Variants in EPG5 observed in about 807,000 individuals in gnomAD.
EPG5 encodes the protein ectopic P granules protein 5 homolog.
In EPG5, 159 loss-of-function variants were observed where a neutral mutation model predicts 302.7. That is an observed-to-expected ratio of 0.53 (90% confidence interval 0.46 to 0.60). The LOEUF (loss-of-function observed/expected upper bound fraction) is 0.60, where lower values mean the gene tolerates loss of function less well. Ranked by LOEUF, EPG5 falls within the 20% of genes least tolerant of loss-of-function variation. The pLI, the probability that EPG5 is intolerant of heterozygous loss-of-function variation, is 0.00. For missense variants in EPG5, 2,896 were observed against 3,092.4 expected (o/e 0.94, Z 1.51); for synonymous variants, 1,158 against 1,136.8 (o/e 1.02, Z -0.37).
intron 31 of EPG5, 110 bp from the exon 32 acceptor site, chr18:45,880,333 C>T (rs942464055): frequency 9.2e-7 from 1 of 1,082,148 alleles, no homozygotes; most frequent in Non-Finnish European, 1.2e-6. Flanking sequence ...AAGCCAAAAT[C>T]CAAAACAAAC....
At chr18:45,882,566 TAGTTTAAAAGCCAAAAATTACCC>T in intron 30 of EPG5, 79 bp from the exon 31 acceptor site, 2 of 1,238,126 alleles carry the variant, frequency 1.6e-6, no homozygotes, top group Middle Eastern at 2.4e-4. Context: ...TGTGTAAATT[TAGTTTAAAAGCCAAAAATTACCC>T]AGCATTTTAT....
At chr18:45,912,202 C>T (rs1048918531) in intron 22 of EPG5, 88 bp downstream of exon 22, 7 of 1,224,206 alleles carry the variant, frequency 5.7e-6, no homozygotes, top group Non-Finnish European at 7.8e-6. Flanking sequence ...GATTCCAACT[C>T]ACACTCCACA....
At chr18:45,900,710 A>ATC (rs2049594421) in intron 26 of EPG5, among the ~76,000 whole-genome samples, 1 of 152,186 alleles carries the variant, frequency 6.6e-6, no homozygotes, top group African/African-American at 2.4e-5. Flanking sequence ...ATATCAGAAG[A>ATC]TCTCTTCATG....
the EPG5 span, among the ~76,000 whole-genome samples, chr18:45,836,397 T>C: frequency 1.3e-5 from 2 of 151,122 alleles, no homozygotes; most frequent in Non-Finnish European, 2.9e-5. Context: ...TTTTGTGAAC[T>C]GCACCCTGGG....
At chr18:45,819,809 TG>T in the EPG5 span, among the ~76,000 whole-genome samples, 113 of 152,324 alleles carry the variant, frequency 7.4e-4, 1 homozygote, top group Non-Finnish European at 1.4e-3. Flanking sequence ...GAATCTGAAT[TG>T]ATGTGTATTC....
chr18:45,913,184 T>G (rs763675301), intron 21 of EPG5, among the ~76,000 whole-genome samples: 3 of 152,032 alleles, frequency 2.0e-5, no homozygotes, highest in East Asian at 1.9e-4. Context: ...CAAAAGGACA[T>G]TCGAGAATGC....
chr18:45,946,037 G>A (rs546988296), intron 7 of EPG5, among the ~76,000 whole-genome samples: 2 of 152,232 alleles, frequency 1.3e-5, no homozygotes, highest in South Asian at 4.1e-4. Flanking sequence ...CAAAATAAAG[G>A]ACTAGAACTG....
intron 1 of EPG5, among the ~76,000 whole-genome samples, chr18:45,959,560 CA>C (rs776266032): frequency 1.2e-4 from 18 of 148,310 alleles, no homozygotes; most frequent in Non-Finnish European, 2.2e-4. Flanking sequence ...ACAGGAGAAT[CA>C]CTTGAACCTG....
chr18:45,928,713 T>G (rs1403704207), intron 13 of EPG5, among the ~76,000 whole-genome samples, 156 bp downstream of exon 13: 1 of 152,202 alleles, frequency 6.6e-6, no homozygotes, highest in Non-Finnish European at 1.5e-5. Context: ...GTTGGTGTGG[T>G]GAGTGACACA....
chr18:45,902,400 T>C (rs1410467355), intron 25 of EPG5, among the ~76,000 whole-genome samples: 1 of 152,158 alleles, frequency 6.6e-6, no homozygotes, highest in African/African-American at 2.4e-5. Flanking sequence ...TCAAGCAACA[T>C]AAGAGGCCAT....
chr18:45,894,570 GCTGCAATGAGGGAAAGAACAT>G (rs2049427219), intron 27 of EPG5, among the ~76,000 whole-genome samples: 1 of 152,160 alleles, frequency 6.6e-6, no homozygotes, highest in Non-Finnish European at 1.5e-5. Flanking sequence ...TTAGGCACAA[GCTGCAATGAGGGAAAGAACAT>G]CTCAATTCGA....
chr18:45,805,220 A>C, the EPG5 span, among the ~76,000 whole-genome samples: 1 of 152,116 alleles, frequency 6.6e-6, no homozygotes, highest in Non-Finnish European at 1.5e-5. Flanking sequence ...GTTATTTGTG[A>C]AGAAACAAAG....
At chr18:45,965,946 G>C (rs566296771) in intron 1 of EPG5, among the ~76,000 whole-genome samples, 2 of 152,010 alleles carry the variant, frequency 1.3e-5, no homozygotes, top group East Asian at 1.9e-4. Context: ...CCAGTTACTC[G>C]GGAGGCTGAG....
the EPG5 span, among the ~76,000 whole-genome samples, chr18:45,808,148 G>C: frequency 6.6e-6 from 1 of 152,056 alleles, no homozygotes; most frequent in Non-Finnish European, 1.5e-5. Flanking sequence ...TTGAAGACAA[G>C]GTCTTCAAAT....
the EPG5 span, among the ~76,000 whole-genome samples, chr18:45,820,430 C>T: frequency 6.6e-6 from 1 of 152,174 alleles, no homozygotes; most frequent in African/African-American, 2.4e-5. Context: ...TTGTAGCTGG[C>T]CCTGGTTCTG....
chr18:45,898,857 T>C (rs1340239530), intron 27 of EPG5, among the ~76,000 whole-genome samples: 1 of 152,234 alleles, frequency 6.6e-6, no homozygotes. Context: ...CCGGACGCGG[T>C]GGCTCACGCC....
intron 38 of EPG5, among the ~76,000 whole-genome samples, 166 bp from the exon 39 acceptor site, chr18:45,865,925 G>A (rs1295673116): frequency 6.6e-6 from 1 of 152,184 alleles, no homozygotes; most frequent in Non-Finnish European, 1.5e-5. Context: ...AAGGGGCCTA[G>A]TGAAAGGCAA....
rs1045479022 is a variant in EPG5, at chr18:45,848,120, G to A, written c.*4347C>T. 2.6e-5 allele frequency: 4 copies of A among 152,100 alleles called. No homozygotes were observed. The highest frequency in any genetic ancestry group is 2.6e-4 in the Admixed American group (4 of 15,280). The allele number at this position is 152,100 out of a possible 1,614,324, so 9.4% of individuals were successfully genotyped here. On this transcript the variant is annotated 3_prime_UTR_variant, in exon 44 of 44. Coordinates refer to ENST00000282041, the MANE Select transcript of EPG5 (RefSeq NM_020964.3). The stretch of plus-strand genomic sequence containing the variant: ...GAAACCGGACCAAAATGAAGTCTGC[G>A]TTAGTAAGTCTAGAACTTTACCCAG...
At chr18:45,805,120 G>A in the EPG5 span, among the ~76,000 whole-genome samples, 1 of 151,904 alleles carries the variant, frequency 6.6e-6, no homozygotes, top group Non-Finnish European at 1.5e-5. Flanking sequence ...AAATTAAACT[G>A]GAATTCTAAA....
Sources: allele counts gnomAD v4.1 joint callset (sites outside exome capture counted in the v4.1 genomes callset), GRCh38; gene constraint gnomAD v4.1.1; transcripts MANE v1.5; gene names NCBI Gene and HGNC (gene_info 2026-07-23, HGNC 2026-07-21).